Variants in ITPRID1 observed in about 807,000 individuals in gnomAD.
The protein encoded by ITPRID1 is protein ITPRID1.
ITPRID1 carries 96 observed loss-of-function variants against 95.4 expected under a neutral mutation model. The ratio of observed to expected loss-of-function variants is 1.01; its 90% CI spans 0.85 to 1.19. The LOEUF (loss-of-function observed/expected upper bound fraction) is 1.19, where lower values mean the gene tolerates loss of function less well. ITPRID1 is among the 50% of genes most tolerant of loss of function. The pLI is 0.00. For synonymous variants in ITPRID1, 510 were observed against 453.6 expected, an observed-to-expected ratio of 1.12 and a Z score of -1.58; for missense variants, 1,339 against 1,252.9, an observed-to-expected ratio of 1.07 and a Z score of -1.04.
chr7:31,656,141 T>A lies in ITPRID1; in HGVS notation c.*3312T>A. On this transcript the variant is annotated 3_prime_UTR_variant, in exon 15 of 15. Transcript: ENST00000615280. ...CTCCTATATCACTTTGCTTTTTTGTTAAAACACTGAAAACCTCCTGTCTTG... is the reference window on the plus strand; with the variant it reads ...CTCCTATATCACTTTGCTTTTTTGTAAAAACACTGAAAACCTCCTGTCTTG... 1.9e-6 allele frequency: 1 copy of A among 513,604 alleles called. No homozygotes were observed. The highest frequency in any genetic ancestry group is 2.5e-6 in the Non-Finnish European group (1 of 399,186). 31.8% of individuals were successfully genotyped at this position (513,604 alleles called of 1,614,324 possible).
At chr7:31,563,183 A>G (rs1784682169) in intron 5 of ITPRID1, among the ~76,000 whole-genome samples, 1 of 152,230 alleles carries the variant, frequency 6.6e-6, no homozygotes, top group African/African-American at 2.4e-5. Context: ...TTTTTAAAAA[A>G]CAAAGAGGCA....
chr7:31,529,629 CT>C lies in ITPRID1; in HGVS notation c.-98+15512del, dbSNP rs1379096668. The C allele has an allele frequency of 1.5e-5, 10 of 678,238 alleles. No homozygotes were observed. The African/African-American group carries it at 1.6e-4, about 11-fold the overall frequency. 42.0% of individuals were successfully genotyped at this position (678,238 alleles called of 1,614,324 possible). ...GCTTTAGGCAAACAGACTGTCTTGG[CT>C]TTCTATGACCAACTTTTAAATAGGA... On this transcript the variant is annotated intron_variant, in intron 1 of 14. Transcript: ENST00000615280.
chr7:31,548,565 A>G (rs1009613718), intron 1 of ITPRID1, among the ~76,000 whole-genome samples: 4 of 152,108 alleles, frequency 2.6e-5, no homozygotes, highest in African/African-American at 9.7e-5. Context: ...GGTAGGTGAT[A>G]GGGCATGAGT....
At chr7:31,651,865 T>TTATG in intron 13 of ITPRID1, 74 bp from the exon 14 acceptor site, 1 of 1,013,348 alleles carries the variant, frequency 9.9e-7, no homozygotes, top group South Asian at 1.4e-5. Context: ...AGAACCTATA[T>TTATG]TATGAGGTGA....
chr7:31,649,850 A>G (rs1468960038), intron 12 of ITPRID1, among the ~76,000 whole-genome samples: 2 of 152,200 alleles, frequency 1.3e-5, no homozygotes, highest in Admixed American at 1.3e-4. Context: ...AGTTAAAGCC[A>G]TGAAAACAGA....
intron 10 of ITPRID1, among the ~76,000 whole-genome samples, chr7:31,640,920 T>C (rs1307566006): frequency 1.3e-5 from 2 of 152,212 alleles, no homozygotes; most frequent in East Asian, 3.8e-4. Flanking sequence ...TTAGTTTTGT[T>C]TGAGGCTGAA....
chr7:31,600,769 T>C (rs1165144522), intron 10 of ITPRID1, among the ~76,000 whole-genome samples: 1 of 152,090 alleles, frequency 6.6e-6, no homozygotes, highest in East Asian at 1.9e-4. Context: ...ACCCGGAAGA[T>C]CATACTTCAC....
chr7:31,546,865 G>A (rs1784114441), intron 1 of ITPRID1, among the ~76,000 whole-genome samples: 1 of 152,062 alleles, frequency 6.6e-6, no homozygotes, highest in African/African-American at 2.4e-5. Flanking sequence ...CACTCATATA[G>A]GGAGGCATGT....
intron 12 of ITPRID1, among the ~76,000 whole-genome samples, chr7:31,647,375 T>C (rs1790559060): frequency 1.3e-5 from 2 of 152,016 alleles, no homozygotes; most frequent in South Asian, 4.1e-4. Context: ...TAGAAGATAA[T>C]GGGAGGCCAG....
At chr7:31,621,780 C>T (rs1787926404) in intron 10 of ITPRID1, among the ~76,000 whole-genome samples, 2 of 148,478 alleles carry the variant, frequency 1.3e-5, no homozygotes, top group African/African-American at 2.5e-5. Flanking sequence ...TGTAAATGGA[C>T]TAAATGCTCC....
At position 31,642,975 on chromosome 7, in the gene ITPRID1, G is replaced by C; in HGVS notation, c.1605G>C (p.Arg535Ser). The C allele has an allele frequency of 2.5e-6, 4 of 1,614,034 alleles. No homozygotes were observed. The highest frequency in any genetic ancestry group is 3.4e-6 in the Non-Finnish European group (4 of 1,179,888). Residue 535 changes from arginine to serine, a missense_variant, in exon 12 of 15, where the codon AGG becomes AGC. Physicochemically the swap from Arg to Ser is moderately radical, Grantham distance 110. Transcript: ENST00000615280. Reference sequence around the variant, plus strand: ...CCACCACGAGGGGAGAATGCCCAAGGAAAGACAGCCATCTGTGGCAGCTTC... The same window carrying C: ...CCACCACGAGGGGAGAATGCCCAAGCAAAGACAGCCATCTGTGGCAGCTTC... Reference protein sequence around the residue: ...AKTTTRGECPRKDSHLWQLLP... With the variant: ...AKTTTRGECPSKDSHLWQLLP...
chr7:31,544,566 T>C (rs10265113), intron 1 of ITPRID1, among the ~76,000 whole-genome samples: 50,977 of 151,802 alleles, frequency 0.34, 9,627 homozygotes, highest in Non-Finnish European at 0.42. Context: ...TATACCCCCC[T>C]CAAATAAACA....
At position 31,583,049 on chromosome 7, in the gene ITPRID1, T is replaced by C. The variant is rs118156862; in HGVS notation, c.1171-85T>C. On this transcript the variant is annotated intron_variant, in intron 9 of 14. Transcript: ENST00000615280. ...AACTCATGTTTATCCCTCTTATCAGTTGCCAGTCTTATTATATGTTGATTA... is the reference window on the plus strand; with the variant it reads ...AACTCATGTTTATCCCTCTTATCAGCTGCCAGTCTTATTATATGTTGATTA... The C allele has an allele frequency of 7.4e-3, 6,748 of 911,794 alleles. 37 individuals are homozygous for C. The highest frequency in any genetic ancestry group is 1.0e-2 in the Non-Finnish European group (5,595 of 561,744). 56.5% of individuals were successfully genotyped at this position (911,794 alleles called of 1,614,324 possible). A position where few individuals can be genotyped will look rare whatever the true frequency, so the allele number is the denominator to read the frequency against.
chr7:31,542,228 G>A (rs1231423293), intron 1 of ITPRID1, among the ~76,000 whole-genome samples: 1 of 152,198 alleles, frequency 6.6e-6, no homozygotes, highest in Non-Finnish European at 1.5e-5. Context: ...AGACAGAAGT[G>A]CAGATAAGGT....
At chr7:31,515,122 G>C (rs1783004885) in intron 1 of ITPRID1, among the ~76,000 whole-genome samples, 1 of 151,860 alleles carries the variant, frequency 6.6e-6, no homozygotes, top group Non-Finnish European at 1.5e-5. Context: ...ACTCCTCTAA[G>C]GCAAGAGATC....
At chr7:31,645,647 G>T (rs956388299) in intron 12 of ITPRID1, among the ~76,000 whole-genome samples, 3 of 151,980 alleles carry the variant, frequency 2.0e-5, no homozygotes, top group Non-Finnish European at 4.4e-5. Flanking sequence ...TTTGTTGAGG[G>T]GATTTTAAAT....
chr7:31,582,951 C>T (rs1785456745), intron 9 of ITPRID1, among the ~76,000 whole-genome samples, 183 bp from the exon 10 acceptor site: 1 of 152,158 alleles, frequency 6.6e-6, no homozygotes, highest in African/African-American at 2.4e-5. Context: ...CTTTCCTCAA[C>T]TTCTTTAATT....
chr7:31,574,616 C>A lies in ITPRID1; in HGVS notation c.472C>A (p.Pro158Thr). 1 of 1,613,838 alleles carries A rather than the reference C, an allele frequency of 6.2e-7. No homozygotes were observed. The highest frequency in any genetic ancestry group is 8.5e-7 in the Non-Finnish European group (1 of 1,179,814). ...GGATCTGGGGTTTGGTGCTGATGAG[C>A]CAGACATCTGCATGCAAATCCCAGC... Reference protein sequence around the residue: ...LLDLGFGADEPDICMQIPARF... With the variant: ...LLDLGFGADETDICMQIPARF... The change falls in exon 8 of 15, where the codon CCA (proline) becomes ACA (threonine). Residue 158 changes from proline (P) to threonine (T), a missense_variant. Coordinates refer to ENST00000615280, the MANE Select transcript of ITPRID1 (RefSeq NM_001257967.3).
At chr7:31,521,042 A>G (rs2128127109) in intron 1 of ITPRID1, among the ~76,000 whole-genome samples, 1 of 146,470 alleles carries the variant, frequency 6.8e-6, no homozygotes, top group Middle Eastern at 3.5e-3. Context: ...GTTTGGTTTC[A>G]TTGATTTTTT....
Sources: gnomAD v4.1 joint callset for allele counts (sites outside exome capture counted in the v4.1 genomes callset) on GRCh38, gnomAD v4.1.1 for gene constraint, MANE v1.5 for transcripts, NCBI Gene and HGNC (gene_info 2026-07-23, HGNC 2026-07-21) for gene names.